CPZ: variants seen among roughly 807,000 people sequenced by gnomAD.
CPZ encodes the protein VEZT/CPZ fusion.
Under a neutral mutation model 61.8 loss-of-function variants are expected in CPZ, and 103 were observed. The ratio of observed to expected loss-of-function variants is 1.67; its 90% confidence interval spans 1.42 to 1.96. The LOEUF (loss-of-function observed/expected upper bound fraction) is 1.96, where lower values mean the gene tolerates loss of function less well. CPZ is among the 30% of genes most tolerant of loss of function. The pLI is 0.00. For missense variants in CPZ, 1,461 were observed against 914.9 expected (o/e 1.60, Z -7.70); for synonymous variants, 551 against 373.7 (o/e 1.47, Z -5.47).
At chr4:8,612,185 C>T in intron 8 of CPZ, 23 bp downstream of exon 8, 1 of 249,206 alleles carries the variant, frequency 4.0e-6, no homozygotes, top group South Asian at 1.8e-4. Context: ...CAGGGCGGGA[C>T]TGGGCGGGGG....
chr4:8,603,789 C>G (rs1714746695), intron 3 of CPZ, 187 bp from the exon 4 acceptor site: 2 of 617,550 alleles, frequency 3.2e-6, no homozygotes, highest in South Asian at 3.7e-5. Context: ...GTGTACATAC[C>G]TCAGGTGCCG....
chr4:8,613,133 C>CT (rs36005113), intron 8 of CPZ, among the ~76,000 whole-genome samples: 48,463 of 134,686 alleles, frequency 0.36, 9,210 homozygotes, highest in Non-Finnish European at 0.39. Flanking sequence ...CTCTCTGTTC[C>CT]TTTTTTTTTT....
chr4:8,606,685 G>A (rs1715038385), intron 5 of CPZ, 52 bp from the exon 6 acceptor site: 4 of 1,610,336 alleles, frequency 2.5e-6, no homozygotes, highest in Admixed American at 1.7e-5. Flanking sequence ...TCTGGAAGGA[G>A]GAGGGTGGGG....
At chr4:8,614,227 C>G in intron 8 of CPZ, 132 bp from the exon 9 acceptor site, 1 of 1,274,918 alleles carries the variant, frequency 7.8e-7, no homozygotes, top group Non-Finnish European at 1.1e-6. Flanking sequence ...GCTGACACCC[C>G]GACGTCCCGG....
intron 7 of CPZ, among the ~76,000 whole-genome samples, chr4:8,608,137 C>T (rs1396210896): frequency 6.7e-6 from 1 of 148,322 alleles, no homozygotes; most frequent in Non-Finnish European, 1.5e-5. Context: ...CCCCAGCCTC[C>T]AGCCCCCAGC....
In CPZ at chr4:8,603,248, C is replaced by T. The variant is rs150428663; in HGVS notation, c.497-728C>T. The T allele has an allele frequency of 1.8e-3, 273 of 152,506 alleles. 1 individual carries two copies. The highest frequency in any genetic ancestry group is 3.4e-3 in the Middle Eastern group (1 of 294). 9.4% of individuals were successfully genotyped at this position (152,506 alleles called of 1,614,324 possible). A position where few individuals can be genotyped will look rare whatever the true frequency, so the allele number is the denominator to read the frequency against. On this transcript the variant is annotated intron_variant, in intron 3 of 10. Transcript: ENST00000360986. ...GGCCTGACTGCTGCAAAGCCCCTGGCGGGGTGGAGGGAGCTAAGCGTCATC... is the reference window on the plus strand; with the variant it reads ...GGCCTGACTGCTGCAAAGCCCCTGGTGGGGTGGAGGGAGCTAAGCGTCATC...
At chr4:8,615,812 T>A (rs549797274) in intron 9 of CPZ, among the ~76,000 whole-genome samples, 1 of 152,216 alleles carries the variant, frequency 6.6e-6, no homozygotes, top group East Asian at 1.9e-4. Flanking sequence ...TCAGGAACCT[T>A]CCTCCAAGTA....
chr4:8,606,049 T>C lies in CPZ; in HGVS notation c.770T>C (p.Met257Thr). The C allele has an allele frequency of 6.2e-7, 1 of 1,614,142 alleles. No individual in the cohort carries two copies. Among genetic ancestry groups the C allele is most frequent in the Non-Finnish European group, 8.5e-7 (1 of 1,180,000 alleles). ...IHGNEVAGRE[M>T]LIYLAQYLCS... ...GGCAACGAGGTGGCGGGCCGGGAGA[T>C]GCTCATCTACCTAGCCCAGTACCTG... Residue 257 changes from methionine (M) to threonine (T), a missense_variant, in exon 5 of 11, where the codon ATG (methionine) becomes ACG (threonine). Physicochemically the swap from Met to Thr is moderately conservative, Grantham distance 81. Transcript: ENST00000360986.
chr4:8,598,631 C>T (rs746623820), intron 1 of CPZ, among the ~76,000 whole-genome samples: 3 of 152,230 alleles, frequency 2.0e-5, no homozygotes, highest in Admixed American at 6.5e-5. Flanking sequence ...GGCATGGGCC[C>T]GTCCCAGCAC....
At position 8,604,087 on chromosome 4, in the gene CPZ, G is replaced by T. The variant is rs376200702; in HGVS notation, c.608G>T (p.Arg203Leu). Residue 203 changes from arginine (R) to leucine (L), a missense_variant, in exon 4 of 11, where the codon CGC becomes CTC. Coordinates refer to ENST00000360986, the MANE Select transcript of CPZ (RefSeq NM_001014447.3). ...CGTGTGCTGAGGCGGACGGCCTCCC[G>T]CTGCGCCCACGTGGCCAGGACCTAC... ...MVRVLRRTAS[R>L]CAHVARTYSI... is the part of the protein sequence containing the mutation. The T allele has an allele frequency of 9.9e-6, 16 of 1,608,838 alleles. No individual in the cohort carries two copies. The highest frequency in any genetic ancestry group is 1.2e-5 in the Non-Finnish European group (14 of 1,178,550).
chr4:8,612,136 G>T lies in CPZ; in HGVS notation c.1337G>T (p.Gly446Val). ...CTGAAGAGGGGGAGCATCATCAACGGGGCGGACTGGTACAGCTTCACGGGA... is the reference window on the plus strand; with the variant it reads ...CTGAAGAGGGGGAGCATCATCAACGTGGCGGACTGGTACAGCTTCACGGGA... ...NFLKRGSIIN[G>V]ADWYSFTGGM... The change falls in exon 8 of 11, where the codon GGG becomes GTG. Residue 446 changes from glycine to valine, a missense_variant. Coordinates refer to ENST00000360986, the MANE Select transcript of CPZ (RefSeq NM_001014447.3). The T allele has an allele frequency of 6.2e-7, 1 of 1,600,834 alleles. No homozygotes were observed. The highest frequency in any genetic ancestry group is 1.1e-5 in the South Asian group (1 of 89,484).
At chr4:8,599,749 C>T (rs1714437660) in intron 2 of CPZ, 2 of 627,596 alleles carry the variant, frequency 3.2e-6, no homozygotes, top group Admixed American at 7.1e-5. Flanking sequence ...CATCCCTCTC[C>T]AGTCCCCACT....
At chr4:8,608,538 C>A (rs557547084) in intron 7 of CPZ, among the ~76,000 whole-genome samples, 1 of 151,902 alleles carries the variant, frequency 6.6e-6, no homozygotes, top group Non-Finnish European at 1.5e-5. Flanking sequence ...GGAATGCAAA[C>A]GGGACTGGTC....
At chr4:8,618,259 A>C (rs574773823) in intron 9 of CPZ, 170 bp from the exon 10 acceptor site, 2 of 617,194 alleles carry the variant, frequency 3.2e-6, no homozygotes, top group African/African-American at 3.7e-5. Context: ...CAGAGAGGGG[A>C]GTGACTGACT....
At chr4:8,617,103 T>C in intron 9 of CPZ, among the ~76,000 whole-genome samples, 1 of 152,228 alleles carries the variant, frequency 6.6e-6, no homozygotes, top group East Asian at 1.9e-4. Flanking sequence ...GGAACAGCAG[T>C]TAGGTGCCAC....
chr4:8,618,541 C>G lies in CPZ; in HGVS notation c.1603+13C>G, dbSNP rs770419538. The G allele has an allele frequency of 6.2e-7, 1 of 1,611,374 alleles. No homozygotes were observed. Among genetic ancestry groups the G allele is most frequent in the Non-Finnish European group, 8.5e-7 (1 of 1,179,364 alleles). On this transcript the variant is annotated intron_variant, in intron 10 of 10. Transcript: ENST00000360986. The stretch of plus-strand genomic sequence containing the variant: ...GACATCACCACAGGTGAGCACGTCC[C>G]TGGCTGTCCCCTGGGGACCACGTCT...
intron 8 of CPZ, among the ~76,000 whole-genome samples, chr4:8,612,885 C>G (rs934576689): frequency 6.6e-5 from 10 of 152,214 alleles, no homozygotes; most frequent in African/African-American, 2.4e-4. Context: ...CCCCTTCTGC[C>G]CCCTCTTCCC....
rs200000482 is a variant in CPZ, at chr4:8,619,605, G to C, written c.1947G>C (p.Leu649=). The change falls in exon 11 of 11, where the codon CTG becomes CTC. Residue 649 remains leucine (L), a synonymous_variant. Coordinates refer to ENST00000360986, the MANE Select transcript of CPZ (RefSeq NM_001014447.3). ...TSLSTHRPRW[L]LKY ...TGAGCACCCACAGGCCACGCTGGCT[G>C]CTCAAGTACTAGCCCCGGCCCCAGC... 2.7e-6 allele frequency: 4 copies of C among 1,502,438 alleles called. No homozygotes were observed. The African/African-American group carries it at 4.2e-5, about 16-fold the overall frequency. 93.1% of individuals were successfully genotyped at this position (1,502,438 alleles called of 1,614,324 possible). A position where few individuals can be genotyped will look rare whatever the true frequency, so the allele number is the denominator to read the frequency against.
Position 8,612,057 on chromosome 4 carries a change from G to A in CPZ, c.1258G>A (p.Asp420Asn). 6.2e-7 allele frequency: 1 copy of A among 1,613,948 alleles called. No homozygotes were observed. The highest frequency in any genetic ancestry group is 8.5e-7 in the Non-Finnish European group (1 of 1,180,016). The change falls in exon 8 of 11, where the codon GAC (aspartate) becomes AAC (asparagine). Residue 420 changes from aspartate (D) to asparagine (N), a missense_variant. Coordinates refer to ENST00000360986, the MANE Select transcript of CPZ (RefSeq NM_001014447.3). ...CAAGCTGCTGTCCAGAGCCTACGCT[G>A]ACGTCCACCCCATGATGATGGACAG... ...MFKLLSRAYA[D>N]VHPMMMDRSE...
Sources: allele counts gnomAD v4.1 joint callset (sites outside exome capture counted in the v4.1 genomes callset), GRCh38; gene constraint gnomAD v4.1.1; transcripts MANE v1.5; gene names NCBI Gene and HGNC (gene_info 2026-07-23, HGNC 2026-07-21).